Variants in LRRC7 observed in about 807,000 individuals in gnomAD.
LRRC7 encodes the protein leucine rich repeat containing 7.
Under a neutral mutation model 175.7 loss-of-function variants are expected in LRRC7, and 23 were observed. The observed-to-expected ratio is 0.13, with a 90% CI of 0.09 to 0.19. The LOEUF (loss-of-function observed/expected upper bound fraction) is 0.19. Ranked by LOEUF, LRRC7 falls within the 10% of genes least tolerant of loss-of-function variation. The probability of loss-of-function intolerance (pLI) is 1.00; values close to 1 mark genes in which losing one functional copy is unlikely to be tolerated. For missense variants in LRRC7, 1,354 were observed against 1,904.7 expected (o/e 0.71, Z 5.38); for synonymous variants, 685 against 680.9 (o/e 1.01, Z -0.09).
intron 20 of LRRC7, among the ~76,000 whole-genome samples, chr1:70,036,996 A>C (rs1046502740): frequency 3.3e-5 from 5 of 152,226 alleles, no homozygotes; most frequent in African/African-American, 1.2e-4. Flanking sequence ...TCTGGTCCAG[A>C]GTAAGTGTTC....
At chr1:70,013,232 AG>A in intron 13 of LRRC7, 143 bp downstream of exon 13, 1 of 403,356 alleles carries the variant, frequency 2.5e-6, no homozygotes, top group Non-Finnish European at 4.5e-6. Flanking sequence ...AAATAGCAGA[AG>A]GTAAATTATT....
chr1:70,026,054 A>C (rs1321551430), intron 17 of LRRC7, among the ~76,000 whole-genome samples: 2 of 152,272 alleles, frequency 1.3e-5, no homozygotes, highest in South Asian at 4.1e-4. Context: ...AAATATTAGT[A>C]CCATGCCAAA....
At chr1:69,622,411 G>T (rs1441448488) in intron 1 of LRRC7, among the ~76,000 whole-genome samples, 1 of 152,142 alleles carries the variant, frequency 6.6e-6, no homozygotes, top group Non-Finnish European at 1.5e-5. Flanking sequence ...GTCATGAAAA[G>T]ATGAAAATTG....
At chr1:69,864,857 G>T (rs1158210651) in intron 7 of LRRC7, among the ~76,000 whole-genome samples, 2 of 152,126 alleles carry the variant, frequency 1.3e-5, no homozygotes, top group Admixed American at 1.3e-4. Context: ...AAAGTATAAT[G>T]CTGGCTGGGT....
intron 4 of LRRC7, among the ~76,000 whole-genome samples, chr1:69,803,112 C>T (rs1403924433): frequency 6.6e-6 from 1 of 151,324 alleles, no homozygotes; most frequent in Non-Finnish European, 1.5e-5. Context: ...TGCTCCATTG[C>T]CTTATTTGCC....
chr1:69,888,322 G>A (rs1233718975), intron 7 of LRRC7, among the ~76,000 whole-genome samples: 1 of 152,156 alleles, frequency 6.6e-6, no homozygotes, highest in African/African-American at 2.4e-5. Context: ...ATCTCATGGT[G>A]CGCCGTTTTT....
At chr1:69,776,555 C>T (rs1469403763) in intron 3 of LRRC7, among the ~76,000 whole-genome samples, 1 of 152,080 alleles carries the variant, frequency 6.6e-6, no homozygotes, top group African/African-American at 2.4e-5. Flanking sequence ...GTTTCTATAA[C>T]GAACCTGAAA....
chr1:70,126,442 G>A lies in LRRC7; in HGVS notation c.*4555G>A, dbSNP rs1370682971. Among the ~76,000 whole-genome samples the A allele has an allele frequency of 6.6e-6, 1 of 152,052 alleles. No homozygotes were observed. Among genetic ancestry groups the A allele is most frequent in the Non-Finnish European group, 1.5e-5 (1 of 68,020 alleles). The stretch of plus-strand genomic sequence containing the variant: ...GCTTAACTAAATGTTCAAACTCTGG[G>A]TTGGTAATGTGTCCTCTCTTCACAC... On this transcript the variant is annotated 3_prime_UTR_variant, in exon 27 of 27. Transcript: ENST00000651989.
At chr1:69,798,057 G>A (rs2101083605) in intron 4 of LRRC7, among the ~76,000 whole-genome samples, 1 of 152,170 alleles carries the variant, frequency 6.6e-6, no homozygotes, top group East Asian at 1.9e-4. Context: ...GAGTAGCTGG[G>A]ATTACAGGCG....
chr1:69,784,014 A>G (rs1233058346), intron 3 of LRRC7, among the ~76,000 whole-genome samples: 1 of 152,218 alleles, frequency 6.6e-6, no homozygotes, highest in East Asian at 1.9e-4. Context: ...CATGAACAAT[A>G]GAACATATAA....
At chr1:69,736,503 A>C (rs1668127967) in intron 2 of LRRC7, among the ~76,000 whole-genome samples, 1 of 152,158 alleles carries the variant, frequency 6.6e-6, no homozygotes, top group Admixed American at 6.6e-5. Context: ...GTTTTCAAAA[A>C]TAATTTATCA....
At chr1:69,656,825 G>T (rs1352870874) in intron 1 of LRRC7, among the ~76,000 whole-genome samples, 10 of 151,814 alleles carry the variant, frequency 6.6e-5, no homozygotes, top group Non-Finnish European at 1.5e-4. Flanking sequence ...TAATGAGAGG[G>T]CTCTAGGTTA....
chr1:70,089,432 G>T (rs1040578292), intron 24 of LRRC7, among the ~76,000 whole-genome samples: 6 of 151,786 alleles, frequency 4.0e-5, no homozygotes, highest in African/African-American at 1.4e-4. Context: ...GTGTTTATAA[G>T]ACTTTTAACT....
At chr1:70,066,873 T>A (rs1450733291) in intron 23 of LRRC7, among the ~76,000 whole-genome samples, 2 of 152,118 alleles carry the variant, frequency 1.3e-5, no homozygotes, top group African/African-American at 2.4e-5. Context: ...ATTTAGTTTT[T>A]CTTCATCATC....
At chr1:69,938,511 A>G (rs1648286643) in intron 8 of LRRC7, among the ~76,000 whole-genome samples, 2 of 152,090 alleles carry the variant, frequency 1.3e-5, no homozygotes, top group Admixed American at 1.3e-4. Flanking sequence ...CCTAGAATAG[A>G]GATATTCTGA....
chr1:69,863,465 T>C (rs1684579646), intron 7 of LRRC7, among the ~76,000 whole-genome samples: 1 of 152,218 alleles, frequency 6.6e-6, no homozygotes, highest in Non-Finnish European at 1.5e-5. Flanking sequence ...CAGTGCATGG[T>C]ATGCATTAAT....
chr1:69,903,527 T>A (rs1354010516), intron 7 of LRRC7, among the ~76,000 whole-genome samples: 1 of 152,166 alleles, frequency 6.6e-6, no homozygotes, highest in Non-Finnish European at 1.5e-5. Flanking sequence ...TGGGCCCTTA[T>A]AGCACTAAAT....
At chr1:69,916,039 T>TATATATA (rs369653125) in intron 7 of LRRC7, among the ~76,000 whole-genome samples, 1 of 47,694 alleles carries the variant, frequency 2.1e-5, no homozygotes, top group Non-Finnish European at 5.4e-5. Context: ...TATATATAAA[T>TATATATA]TTATATATAT....
intron 7 of LRRC7, among the ~76,000 whole-genome samples, chr1:69,856,655 C>A (rs574731584): frequency 2.0e-5 from 3 of 152,106 alleles, no homozygotes; most frequent in Admixed American, 2.0e-4. Flanking sequence ...CAGGACCAGA[C>A]GGATTCACAG....
Sources: allele counts gnomAD v4.1 joint callset (sites outside exome capture counted in the v4.1 genomes callset), GRCh38; gene constraint gnomAD v4.1.1; transcripts MANE v1.5; gene names NCBI Gene and HGNC (gene_info 2026-07-23, HGNC 2026-07-21).